The following CBFA2T2 variants were observed in gnomAD, a reference collection of about 807,000 sequenced individuals.
CBFA2T2 encodes the protein protein CBFA2T2.
A neutral mutation model predicts 62.2 loss-of-function variants in CBFA2T2; 11 were observed. That is an observed-to-expected ratio of 0.18 (90% CI 0.11 to 0.29). The LOEUF (loss-of-function observed/expected upper bound fraction) is 0.29, where lower values mean the gene tolerates loss of function less well. Ranked by LOEUF, CBFA2T2 falls within the 10% of genes least tolerant of loss-of-function variation. The pLI is 1.00. For missense variants in CBFA2T2, 592 were observed against 774.1 expected, an observed-to-expected ratio of 0.76 and a Z score of 2.79; for synonymous variants, 295 against 287.5, an observed-to-expected ratio of 1.03 and a Z score of -0.27.
chr20:33,607,035 C>T lies in CBFA2T2; in HGVS notation c.114C>T (p.Thr38=). ...VKIQSRSSPP[T]MPPLPPINPG... The stretch of plus-strand genomic sequence containing the variant: ...TACAGTCCAGATCCTCACCTCCCAC[C>T]ATGCCACCCCTCCCACCAATAAATC... The change falls in exon 2 of 11, where the codon ACC becomes ACT. Residue 38 remains threonine, a synonymous_variant. Transcript: ENST00000342704. 1 of 1,614,066 alleles carries T rather than the reference C, an allele frequency of 6.2e-7. No homozygotes were observed. Among genetic ancestry groups the T allele is most frequent in the Non-Finnish European group, 8.5e-7 (1 of 1,179,968 alleles).
At chr20:33,569,052 G>A (rs2013450292) in intron 1 of CBFA2T2, among the ~76,000 whole-genome samples, 1 of 152,162 alleles carries the variant, frequency 6.6e-6, no homozygotes, top group African/African-American at 2.4e-5. Flanking sequence ...CTGTTTCTGA[G>A]TAGTAAAGCT....
chr20:33,492,989 G>A (rs1568782225), intron 1 of CBFA2T2, among the ~76,000 whole-genome samples: 1 of 151,102 alleles, frequency 6.6e-6, no homozygotes, highest in Non-Finnish European at 1.5e-5. Context: ...CTGACCTCAA[G>A]TGATCTGCCC....
chr20:33,534,751 C>CTTTTTTTTTTTTT (rs11167206), intron 1 of CBFA2T2, among the ~76,000 whole-genome samples: 2 of 92,962 alleles, frequency 2.2e-5, no homozygotes, highest in African/African-American at 4.2e-5. Context: ...ATCTTTTTAG[C>CTTTTTTTTTTTTT]TTTTTTTTTT....
chr20:33,513,649 C>T (rs575485142), intron 1 of CBFA2T2, among the ~76,000 whole-genome samples: 178 of 151,380 alleles, frequency 1.2e-3, no homozygotes, highest in African/African-American at 4.1e-3. Flanking sequence ...GCGTGAGCCA[C>T]CGCACCTGGC....
At chr20:33,509,296 G>A (rs2011462730) in intron 1 of CBFA2T2, among the ~76,000 whole-genome samples, 2 of 152,076 alleles carry the variant, frequency 1.3e-5, no homozygotes, top group African/African-American at 2.4e-5. Context: ...GAACTCTGGA[G>A]GTGGAGGTTG....
chr20:33,582,299 G>C (rs1394500271), intron 1 of CBFA2T2, among the ~76,000 whole-genome samples: 2 of 150,536 alleles, frequency 1.3e-5, no homozygotes, highest in Non-Finnish European at 3.0e-5. Flanking sequence ...GACCAGCCTG[G>C]CCAACATGGT....
At chr20:33,503,254 C>CTTTTTTTTTT (rs557746879) in intron 1 of CBFA2T2, among the ~76,000 whole-genome samples, 12 of 108,662 alleles carry the variant, frequency 1.1e-4, no homozygotes, top group South Asian at 3.0e-4. Flanking sequence ...TTCTTTCTTT[C>CTTTTTTTTTT]TTTTTTTTTT....
intron 1 of CBFA2T2, among the ~76,000 whole-genome samples, chr20:33,565,215 G>A (rs1191544565): frequency 2.6e-5 from 4 of 152,062 alleles, no homozygotes; most frequent in Non-Finnish European, 5.9e-5. Context: ...CACTGCGCCC[G>A]GCTCCAAGTT....
chr20:33,614,070 G>A (rs976587905), intron 3 of CBFA2T2, among the ~76,000 whole-genome samples: 4 of 150,864 alleles, frequency 2.7e-5, no homozygotes, highest in South Asian at 4.2e-4. Context: ...AGCCAAGATC[G>A]TGCCACTGCA....
intron 3 of CBFA2T2, among the ~76,000 whole-genome samples, chr20:33,614,279 A>T (rs887804494): frequency 2.6e-5 from 4 of 152,176 alleles, no homozygotes; most frequent in African/African-American, 9.7e-5. Context: ...AACCTCTTTT[A>T]AGTAGACAGT....
chr20:33,535,960 A>C (rs1055409226), intron 1 of CBFA2T2, among the ~76,000 whole-genome samples: 6 of 152,220 alleles, frequency 3.9e-5, no homozygotes, highest in African/African-American at 2.4e-5. Context: ...GACACAGCAC[A>C]TGTTTCAGAG....
intron 6 of CBFA2T2, among the ~76,000 whole-genome samples, chr20:33,625,831 G>T (rs2016201152): frequency 6.6e-6 from 1 of 151,658 alleles, no homozygotes; most frequent in Non-Finnish European, 1.5e-5. Flanking sequence ...GGCTGGGCGT[G>T]GTGGCTCACG....
intron 3 of CBFA2T2, among the ~76,000 whole-genome samples, chr20:33,616,537 G>A (rs1447067997): frequency 6.6e-6 from 1 of 152,052 alleles, no homozygotes; most frequent in Non-Finnish European, 1.5e-5. Context: ...GATCAGCCTG[G>A]TCAACATGGC....
intron 8 of CBFA2T2, among the ~76,000 whole-genome samples, chr20:33,631,821 A>G (rs1046850350): frequency 6.6e-6 from 1 of 152,292 alleles, no homozygotes; most frequent in Admixed American, 6.5e-5. Flanking sequence ...CCTGATTTAG[A>G]TAGTATATTT....
rs2011967092 is a variant in CBFA2T2 at position 33,529,009 on chromosome 20, C to A, written c.34+38708C>A. 4.6e-5 allele frequency among the ~76,000 whole-genome samples: 7 copies of A among 151,986 alleles called. No individual in the cohort carries two copies. The South Asian group carries it at 1.0e-3, about 23-fold the overall frequency. On this transcript the variant is annotated intron_variant, in intron 1 of 10. Coordinates refer to ENST00000342704, the MANE Select transcript of CBFA2T2 (RefSeq NM_001032999.3). ...TTGGGAGTTTGCACTACGCGTGGAC[C>A]AGTTTGTTTGTTTTTTTTGTTTGTT...
At chr20:33,639,223 T>C (rs1417593973) in intron 9 of CBFA2T2, 1 of 152,274 alleles carries the variant, frequency 6.6e-6, no homozygotes, top group Non-Finnish European at 1.5e-5. Context: ...TCCCGGTTGC[T>C]ATCTCTGTCT....
At chr20:33,494,237 ATATGTG>A (rs1178313619) in intron 1 of CBFA2T2, among the ~76,000 whole-genome samples, 3 of 11,608 alleles carry the variant, frequency 2.6e-4, no homozygotes, top group Non-Finnish European at 4.9e-4. Context: ...TTAGGCATAT[ATATGTG>A]TATATATATA....
chr20:33,510,771 A>G (rs899583862), intron 1 of CBFA2T2, among the ~76,000 whole-genome samples: 47 of 152,170 alleles, frequency 3.1e-4, no homozygotes, highest in Non-Finnish European at 5.3e-4. Context: ...AAGCATTCCT[A>G]TTTCTCCACA....
intron 1 of CBFA2T2, among the ~76,000 whole-genome samples, chr20:33,497,547 CTTTTTTTT>C (rs756491939): frequency 8.7e-6 from 1 of 114,656 alleles, no homozygotes; most frequent in African/African-American, 3.4e-5. Flanking sequence ...AGCTTGTATA[CTTTTTTTT>C]TTTTTTTTTT....
Sources: gnomAD v4.1 joint callset for allele counts (sites outside exome capture counted in the v4.1 genomes callset) on GRCh38, gnomAD v4.1.1 for gene constraint, MANE v1.5 for transcripts, NCBI Gene and HGNC (gene_info 2026-07-23, HGNC 2026-07-21) for gene names.